Variants in B3GAT2 observed in about 807,000 individuals in gnomAD.
B3GAT2 encodes beta-1,3-glucuronyltransferase 2.
B3GAT2 carries 26 observed loss-of-function variants against 27.8 expected under a neutral mutation model. The ratio of observed to expected loss-of-function variants is 0.93; its 90% confidence interval spans 0.68 to 1.30. The LOEUF is 1.30. Among genes scored for constraint, B3GAT2 ranks in the 50% most tolerant of loss-of-function variants. B3GAT2 has a pLI of 0.00. For synonymous variants in B3GAT2, 218 were observed against 195.1 expected, an observed-to-expected ratio of 1.12 and a Z score of -0.98; for missense variants, 458 against 459.0, an observed-to-expected ratio of 1.00 and a Z score of 0.02.
chr6:70,863,838 T>C (rs1771805683), intron 2 of B3GAT2, among the ~76,000 whole-genome samples: 1 of 152,104 alleles, frequency 6.6e-6, no homozygotes, highest in Admixed American at 6.6e-5. Flanking sequence ...TGTAAAAGGT[T>C]TGGGAAAGTT....
chr6:70,926,321 G>T (rs1326949294), intron 1 of B3GAT2, among the ~76,000 whole-genome samples: 1 of 152,222 alleles, frequency 6.6e-6, no homozygotes, highest in East Asian at 1.9e-4. Context: ...GATGGAGAAT[G>T]ACTTTAATGA....
At chr6:70,914,854 T>C (rs576643676) in intron 1 of B3GAT2, among the ~76,000 whole-genome samples, 5 of 152,298 alleles carry the variant, frequency 3.3e-5, no homozygotes, top group Non-Finnish European at 5.9e-5. Context: ...TAAATAGTGC[T>C]GCAATAAACA....
chr6:70,924,667 C>T (rs1228857454), intron 1 of B3GAT2, among the ~76,000 whole-genome samples: 1 of 152,182 alleles, frequency 6.6e-6, no homozygotes, highest in Non-Finnish European at 1.5e-5. Flanking sequence ...TCTGATCCAA[C>T]CAGCCTGCAT....
At chr6:70,948,582 G>A (rs1272032018) in intron 1 of B3GAT2, among the ~76,000 whole-genome samples, 2 of 144,866 alleles carry the variant, frequency 1.4e-5, no homozygotes, top group African/African-American at 2.6e-5. Context: ...AAATAAAAGA[G>A]GATACAAACA....
At chr6:70,877,783 G>C (rs1003933475) in intron 2 of B3GAT2, among the ~76,000 whole-genome samples, 1 of 152,202 alleles carries the variant, frequency 6.6e-6, no homozygotes, top group Admixed American at 6.5e-5. Flanking sequence ...CAAAGGCATA[G>C]ATACCTGAGA....
At chr6:70,862,044 T>A in intron 2 of B3GAT2, 66 bp from the exon 3 acceptor site, 1 of 1,468,076 alleles carries the variant, frequency 6.8e-7, no homozygotes, top group Non-Finnish European at 9.1e-7. Flanking sequence ...TTTTTCTGTA[T>A]AATTTTGGTC....
At chr6:70,862,401 T>C (rs1407060659) in intron 2 of B3GAT2, among the ~76,000 whole-genome samples, 1 of 152,174 alleles carries the variant, frequency 6.6e-6, no homozygotes, top group Non-Finnish European at 1.5e-5. Context: ...TGCCCTGTAA[T>C]ATTAATTATG....
chr6:70,908,683 A>G (rs889363737), intron 1 of B3GAT2, among the ~76,000 whole-genome samples: 1 of 152,252 alleles, frequency 6.6e-6, no homozygotes, highest in Non-Finnish European at 1.5e-5. Context: ...CACAGCATAA[A>G]CATTGGAATA....
intron 1 of B3GAT2, among the ~76,000 whole-genome samples, chr6:70,951,030 T>G (rs2150053339): frequency 6.6e-6 from 1 of 152,308 alleles, no homozygotes; most frequent in Admixed American, 6.5e-5. Flanking sequence ...ATAACAATTT[T>G]ATTTGTATTT....
intron 1 of B3GAT2, among the ~76,000 whole-genome samples, chr6:70,919,175 G>C (rs755271438): frequency 9.2e-5 from 14 of 151,628 alleles, no homozygotes; most frequent in Non-Finnish European, 1.8e-4. Context: ...CCTTTCTTTC[G>C]CTTGATTGAA....
intron 1 of B3GAT2, among the ~76,000 whole-genome samples, chr6:70,954,199 T>C (rs1765615407): frequency 6.6e-6 from 1 of 152,224 alleles, no homozygotes; most frequent in Non-Finnish European, 1.5e-5. Flanking sequence ...GTACAGTCTT[T>C]GCTTCAGATG....
intron 1 of B3GAT2, among the ~76,000 whole-genome samples, chr6:70,941,623 T>C (rs997636073): frequency 3.3e-5 from 5 of 152,088 alleles, no homozygotes; most frequent in Admixed American, 3.3e-4. Context: ...AGAATCAGAG[T>C]AGGGACCACG....
intron 1 of B3GAT2, among the ~76,000 whole-genome samples, chr6:70,919,096 T>C (rs1024408699): frequency 5.3e-5 from 8 of 152,218 alleles, no homozygotes; most frequent in Non-Finnish European, 8.8e-5. Flanking sequence ...ATTCGTTTCT[T>C]TTCACTCTTT....
intron 2 of B3GAT2, among the ~76,000 whole-genome samples, chr6:70,871,293 A>G (rs1582341956): frequency 6.7e-6 from 1 of 148,922 alleles, no homozygotes; most frequent in Non-Finnish European, 1.5e-5. Flanking sequence ...AATTCCTTCA[A>G]AAGTGTTCCC....
chr6:70,894,471 T>C (rs1176444807), intron 1 of B3GAT2, among the ~76,000 whole-genome samples, 199 bp from the exon 2 acceptor site: 4 of 152,186 alleles, frequency 2.6e-5, no homozygotes, highest in Admixed American at 6.5e-5. Flanking sequence ...CTCTACTCGG[T>C]CATAAATTGG....
intron 1 of B3GAT2, among the ~76,000 whole-genome samples, chr6:70,895,095 C>T (rs766353802): frequency 7.2e-5 from 11 of 152,164 alleles, no homozygotes; most frequent in East Asian, 1.9e-4. Context: ...GCCCCTTTCT[C>T]GGGCAGACAC....
At chr6:70,922,354 T>G (rs1772883989) in intron 1 of B3GAT2, among the ~76,000 whole-genome samples, 1 of 152,170 alleles carries the variant, frequency 6.6e-6, no homozygotes, top group Non-Finnish European at 1.5e-5. Flanking sequence ...TCAATCTAAT[T>G]GACAAATATA....
At chr6:70,928,580 A>G (rs1326712151) in intron 1 of B3GAT2, among the ~76,000 whole-genome samples, 1 of 152,214 alleles carries the variant, frequency 6.6e-6, no homozygotes, top group African/African-American at 2.4e-5. Flanking sequence ...AAATTAGAAA[A>G]TCTAGAAGAA....
chr6:70,909,614 T>TACAAATAA (rs1772657281), intron 1 of B3GAT2, among the ~76,000 whole-genome samples: 1 of 152,190 alleles, frequency 6.6e-6, no homozygotes, highest in Non-Finnish European at 1.5e-5. Context: ...AATAAGATGA[T>TACAAATAA]GTATGTAAAG....
Sources: gnomAD v4.1 joint callset for allele counts (sites outside exome capture counted in the v4.1 genomes callset) on GRCh38, gnomAD v4.1.1 for gene constraint, MANE v1.5 for transcripts, NCBI Gene and HGNC (gene_info 2026-07-23, HGNC 2026-07-21) for gene names.